The following SPATA17 variants were observed in gnomAD, a reference collection of about 807,000 sequenced individuals.
SPATA17 encodes the protein spermatogenesis-associated protein 17.
SPATA17 carries 53 observed loss-of-function variants against 62.2 expected under a neutral mutation model. The ratio of observed to expected loss-of-function variants is 0.85; its 90% CI spans 0.68 to 1.07. The LOEUF (loss-of-function observed/expected upper bound fraction) is 1.07, where lower values mean the gene tolerates loss of function less well. Ranked by LOEUF, SPATA17 falls within the 50% of genes least tolerant of loss-of-function variation. The pLI is 0.00. For missense variants in SPATA17, 466 were observed against 425.5 expected (o/e 1.10, Z -0.84); for synonymous variants, 146 against 146.8 (o/e 0.99, Z 0.04).
intron 5 of SPATA17, among the ~76,000 whole-genome samples, chr1:217,740,454 T>C (rs1672604166): frequency 6.6e-6 from 1 of 152,196 alleles, no homozygotes; most frequent in Admixed American, 6.5e-5. Context: ...TTTAGTCATA[T>C]GTAACTGCCT....
intron 8 of SPATA17, among the ~76,000 whole-genome samples, chr1:217,798,668 C>T (rs943548606): frequency 1.3e-5 from 2 of 152,106 alleles, no homozygotes; most frequent in Non-Finnish European, 2.9e-5. Flanking sequence ...CCAAGTCAGC[C>T]CTCCAAAGAG....
At chr1:217,677,046 G>A (rs1335036853) in intron 4 of SPATA17, among the ~76,000 whole-genome samples, 1 of 151,836 alleles carries the variant, frequency 6.6e-6, no homozygotes, top group African/African-American at 2.4e-5. Context: ...TGATTATAGT[G>A]CCCCCAAACA....
At chr1:217,850,090 G>A (rs757193133) in intron 9 of SPATA17, among the ~76,000 whole-genome samples, 1 of 152,114 alleles carries the variant, frequency 6.6e-6, no homozygotes, top group Non-Finnish European at 1.5e-5. Flanking sequence ...ATGCGGGGAG[G>A]TGGGATGCAT....
At chr1:217,771,195 T>C (rs751736050) in intron 6 of SPATA17, among the ~76,000 whole-genome samples, 94 of 151,572 alleles carry the variant, frequency 6.2e-4, no homozygotes, top group South Asian at 3.1e-3. Context: ...AGCATGACAG[T>C]ACTGCAAATA....
At chr1:217,647,291 A>G (rs1430411083) in intron 1 of SPATA17, among the ~76,000 whole-genome samples, 1 of 152,180 alleles carries the variant, frequency 6.6e-6, no homozygotes, top group Non-Finnish European at 1.5e-5. Context: ...ATGTCATCCT[A>G]AAGTAGGGAG....
At chr1:217,722,886 A>G (rs539178827) in intron 5 of SPATA17, among the ~76,000 whole-genome samples, 23 of 152,154 alleles carry the variant, frequency 1.5e-4, no homozygotes, top group Admixed American at 1.2e-3. Context: ...ATTATTGCCA[A>G]TGCCATACTG....
intron 5 of SPATA17, among the ~76,000 whole-genome samples, chr1:217,727,268 T>TAAA (rs1558581773): frequency 6.7e-6 from 1 of 148,574 alleles, no homozygotes; most frequent in African/African-American, 2.5e-5. Context: ...ATAATAATAA[T>TAAA]AATAATAATA....
chr1:217,861,571 C>A (rs1355967108), intron 9 of SPATA17, among the ~76,000 whole-genome samples: 2 of 151,736 alleles, frequency 1.3e-5, no homozygotes, highest in African/African-American at 4.8e-5. Context: ...TGCATTGTTG[C>A]AAATATGTGT....
At chr1:217,668,364 T>C (rs1446120923) in intron 3 of SPATA17, among the ~76,000 whole-genome samples, 1 of 152,202 alleles carries the variant, frequency 6.6e-6, no homozygotes, top group Non-Finnish European at 1.5e-5. Flanking sequence ...TGTAGATGTG[T>C]CTTTACTAGA....
chr1:217,659,447 T>G (rs1670517807), intron 3 of SPATA17, among the ~76,000 whole-genome samples: 1 of 152,052 alleles, frequency 6.6e-6, no homozygotes, highest in Non-Finnish European at 1.5e-5. Context: ...TAAAATAATT[T>G]TATATTAATA....
chr1:217,807,018 T>C (rs1674450594), intron 9 of SPATA17, among the ~76,000 whole-genome samples: 1 of 152,128 alleles, frequency 6.6e-6, no homozygotes, highest in Non-Finnish European at 1.5e-5. Flanking sequence ...TGTGCTGCAC[T>C]TATAGATAGG....
At chr1:217,659,022 A>G (rs1670505787) in intron 3 of SPATA17, among the ~76,000 whole-genome samples, 1 of 152,144 alleles carries the variant, frequency 6.6e-6, no homozygotes, top group Admixed American at 6.5e-5. Flanking sequence ...TGATGATATT[A>G]CTGCCTGGGG....
At chr1:217,847,420 A>G (rs1675553612) in intron 9 of SPATA17, among the ~76,000 whole-genome samples, 1 of 152,110 alleles carries the variant, frequency 6.6e-6, no homozygotes, top group Non-Finnish European at 1.5e-5. Context: ...GGAAATTCAC[A>G]TTGCTTTCTT....
chr1:217,669,031 A>G lies in SPATA17; in HGVS notation c.241-2A>G. The G allele has an allele frequency of 2.5e-6, 4 of 1,610,672 alleles. No individual in the cohort carries two copies. The highest frequency in any genetic ancestry group is 3.4e-6 in the Non-Finnish European group (4 of 1,178,550). On this transcript the variant is annotated splice_acceptor_variant, in intron 3 of 10. Transcript: ENST00000366933. LOFTEE classifies it high-confidence loss of function. ...ATGCCATCTTTTTTTCTTGATTCAC[A>G]GGTAGCATATTATACTATGATGATG...
intron 9 of SPATA17, among the ~76,000 whole-genome samples, chr1:217,810,500 T>C (rs185530842): frequency 5.3e-4 from 81 of 152,030 alleles, no homozygotes; most frequent in Non-Finnish European, 9.9e-4. Flanking sequence ...CACACACCTG[T>C]AATCTCAGCT....
chr1:217,848,780 G>A (rs1286386565), intron 9 of SPATA17, among the ~76,000 whole-genome samples: 1 of 151,688 alleles, frequency 6.6e-6, no homozygotes, highest in Non-Finnish European at 1.5e-5. Flanking sequence ...TTTTTTCTTT[G>A]TTTTCTCAGA....
At chr1:217,777,082 A>G (rs552927403) in intron 7 of SPATA17, among the ~76,000 whole-genome samples, 1 of 152,292 alleles carries the variant, frequency 6.6e-6, no homozygotes, top group Non-Finnish European at 1.5e-5. Context: ...CCTGCCTTTT[A>G]TACCCTCAAC....
chr1:217,868,982 C>T lies in SPATA17; in HGVS notation c.*1963C>T, dbSNP rs1490001440. The stretch of plus-strand genomic sequence containing the variant: ...CAGGCATGAGTCACTGAACCCAGCC[C>T]TGAGACATGTCTCAATTAGTTTAGA... On this transcript the variant is annotated 3_prime_UTR_variant, in exon 11 of 11. Transcript: ENST00000366933. The T allele has an allele frequency of 6.6e-6, 1 of 152,236 alleles. No homozygotes were observed. Among genetic ancestry groups the T allele is most frequent in the Non-Finnish European group, 1.5e-5 (1 of 68,138 alleles). The allele number at this position is 152,236 out of a possible 1,614,324, so 9.4% of individuals were successfully genotyped here. A position where few individuals can be genotyped will look rare whatever the true frequency, so the allele number is the denominator to read the frequency against.
chr1:217,736,823 A>G (rs1036456302), intron 5 of SPATA17, among the ~76,000 whole-genome samples: 1 of 152,238 alleles, frequency 6.6e-6, no homozygotes, highest in African/African-American at 2.4e-5. Context: ...GCAAATGGAA[A>G]ACATATTTTA....
Sources: gnomAD v4.1 joint callset for allele counts (sites outside exome capture counted in the v4.1 genomes callset) on GRCh38, gnomAD v4.1.1 for gene constraint, MANE v1.5 for transcripts, NCBI Gene and HGNC (gene_info 2026-07-23, HGNC 2026-07-21) for gene names.